Variants in PTN observed in about 807,000 individuals in gnomAD.
PTN encodes the protein heparin affin regulatory protein.
In PTN, 18 loss-of-function variants were observed where a neutral mutation model predicts 24.1. The ratio of observed to expected loss-of-function variants is 0.75; its 90% CI spans 0.52 to 1.11. The LOEUF (loss-of-function observed/expected upper bound fraction) is 1.11, where lower values mean the gene tolerates loss of function less well. PTN is among the 50% of genes least tolerant of loss of function. The pLI is 0.00. For synonymous variants in PTN, 78 were observed against 68.6 expected (o/e 1.14, Z -0.67); for missense variants, 163 against 198.8 (o/e 0.82, Z 1.08).
Position 137,324,433 on chromosome 7 carries a change from A to AAAAAAATAT in PTN, c.-2+19005_-2+19006insATATTTTTT. 6.7e-3 allele frequency among the ~76,000 whole-genome samples: 595 copies of AAAAAAATAT among 88,726 alleles called. 23 individuals are homozygous for AAAAAAATAT. Among genetic ancestry groups the AAAAAAATAT allele is most frequent in the Admixed American group, 0.052 (348 of 6,672 alleles). 58.2% of individuals were successfully genotyped at this position (88,726 alleles called of 152,430 possible). A position where few individuals can be genotyped will look rare whatever the true frequency, so the allele number is the denominator to read the frequency against. On this transcript the variant is annotated intron_variant, in intron 1 of 4. Coordinates refer to ENST00000348225, the MANE Select transcript of PTN (RefSeq NM_002825.7). ...CCCTGTCTCTAAAAAAAAAAAAAAA[A>AAAAAAATAT]ATATATATATATATATATAAATTAA...
chr7:137,338,159 A>G (rs1020812720), intron 1 of PTN, among the ~76,000 whole-genome samples: 2 of 151,938 alleles, frequency 1.3e-5, no homozygotes, highest in Admixed American at 6.6e-5. Flanking sequence ...TCAATTTCCG[A>G]CTCAAGATTT....
chr7:137,320,768 A>G (rs1810150617), intron 1 of PTN, among the ~76,000 whole-genome samples: 2 of 152,070 alleles, frequency 1.3e-5, no homozygotes, highest in African/African-American at 4.8e-5. Flanking sequence ...TGTCAATTGA[A>G]TTTTATTCCT....
chr7:137,330,240 C>T (rs1048062533), intron 1 of PTN, among the ~76,000 whole-genome samples: 4 of 151,828 alleles, frequency 2.6e-5, no homozygotes, highest in East Asian at 1.9e-4. Context: ...GAGCTGAAAT[C>T]GTGCCACTGC....
At chr7:137,278,945 C>T (rs374108467) in intron 1 of PTN, among the ~76,000 whole-genome samples, 4 of 134,284 alleles carry the variant, frequency 3.0e-5, no homozygotes, top group Non-Finnish European at 4.6e-5. Flanking sequence ...CATCTCAGAA[C>T]AATAATAATA....
At chr7:137,334,699 A>G (rs322324) in intron 1 of PTN, among the ~76,000 whole-genome samples, 50,706 of 144,156 alleles carry the variant, frequency 0.35, 10,410 homozygotes, top group Admixed American at 0.51. Context: ...CTGGGTATAT[A>G]CCCAAAGGAC....
chr7:137,307,852 ACT>A (rs1809914997), intron 1 of PTN, among the ~76,000 whole-genome samples: 1 of 151,940 alleles, frequency 6.6e-6, no homozygotes, highest in African/African-American at 2.4e-5. Context: ...GTACCCTTGT[ACT>A]CTGTTTCCAA....
At chr7:137,283,702 A>C (rs2128876355) in intron 1 of PTN, among the ~76,000 whole-genome samples, 1 of 152,280 alleles carries the variant, frequency 6.6e-6, no homozygotes, top group East Asian at 1.9e-4. Context: ...AATATTTGCT[A>C]CTAAAAAATA....
rs148286413 is a variant in PTN, at chr7:137,342,228, A to G, written c.-2+1211T>C. Among the ~76,000 whole-genome samples, 1,284 of 152,220 alleles carry G rather than the reference A, an allele frequency of 8.4e-3. 18 individuals carry two copies. The highest frequency in any genetic ancestry group is 0.029 in the African/African-American group (1,218 of 41,536). On this transcript the variant is annotated intron_variant, in intron 1 of 4. Transcript: ENST00000348225. The stretch of plus-strand genomic sequence containing the variant: ...GGATCATAAAATGTTTCATTATGTT[A>G]TTAGTCCAGAGCTCTTTTTGGTGAT...
intron 1 of PTN, among the ~76,000 whole-genome samples, chr7:137,331,847 C>T (rs534922467): frequency 1.3e-5 from 2 of 152,286 alleles, no homozygotes; most frequent in Non-Finnish European, 2.9e-5. Context: ...TCAGCTTGAC[C>T]TTTAACTGGC....
chr7:137,254,804 G>C, intron 2 of PTN, 55 bp downstream of exon 2: 1 of 1,217,258 alleles, frequency 8.2e-7, no homozygotes, highest in Non-Finnish European at 1.1e-6. Flanking sequence ...CAGGTAATTA[G>C]ACTAGATGGA....
chr7:137,239,407 TTTA>T (rs761934109), intron 4 of PTN, among the ~76,000 whole-genome samples: 8 of 143,170 alleles, frequency 5.6e-5, no homozygotes, highest in South Asian at 2.3e-4. Flanking sequence ...TATTTATTTA[TTTA>T]TTATTATACT....
At chr7:137,242,997 C>A (rs556551795) in intron 4 of PTN, among the ~76,000 whole-genome samples, 1 of 152,344 alleles carries the variant, frequency 6.6e-6, no homozygotes, top group East Asian at 1.9e-4. Context: ...AGTGCAGTGG[C>A]ACGATCTTGA....
At chr7:137,248,593 T>C (rs918873436) in intron 4 of PTN, among the ~76,000 whole-genome samples, 1 of 152,148 alleles carries the variant, frequency 6.6e-6, no homozygotes, top group African/African-American at 2.4e-5. Flanking sequence ...GGCAGGAGAA[T>C]CACTTGAACC....
chr7:137,276,476 A>G (rs1286794001), intron 1 of PTN, among the ~76,000 whole-genome samples: 1 of 152,182 alleles, frequency 6.6e-6, no homozygotes, highest in African/African-American at 2.4e-5. Flanking sequence ...ACCCCTGGAT[A>G]TAAAACCAGG....
intron 1 of PTN, among the ~76,000 whole-genome samples, chr7:137,260,278 T>G (rs1360531676): frequency 6.6e-6 from 1 of 152,126 alleles, no homozygotes; most frequent in Non-Finnish European, 1.5e-5. Context: ...CGTGAAATAG[T>G]AATTTTCTGA....
chr7:137,291,962 T>C (rs1174900746), intron 1 of PTN, among the ~76,000 whole-genome samples: 1 of 152,172 alleles, frequency 6.6e-6, no homozygotes, highest in Non-Finnish European at 1.5e-5. Flanking sequence ...TCCTTTGGCA[T>C]CCTCCTCTAA....
chr7:137,304,994 C>G (rs1809864146), intron 1 of PTN, among the ~76,000 whole-genome samples: 1 of 152,012 alleles, frequency 6.6e-6, no homozygotes, highest in Non-Finnish European at 1.5e-5. Context: ...CTGTATTTTA[C>G]CAAGCATGGC....
At chr7:137,229,618 T>A (rs1421040546) in intron 4 of PTN, among the ~76,000 whole-genome samples, 1 of 151,828 alleles carries the variant, frequency 6.6e-6, no homozygotes, top group Non-Finnish European at 1.5e-5. Flanking sequence ...TATATGCAAG[T>A]GGGTCAGCAG....
intron 1 of PTN, among the ~76,000 whole-genome samples, chr7:137,265,220 C>T (rs117005738): frequency 0.016 from 2,431 of 152,256 alleles, 36 homozygotes; most frequent in East Asian, 0.082. Flanking sequence ...ACTCCAACTG[C>T]GTCTAAATGG....
Sources: gnomAD v4.1 joint callset for allele counts (sites outside exome capture counted in the v4.1 genomes callset) on GRCh38, gnomAD v4.1.1 for gene constraint, MANE v1.5 for transcripts, NCBI Gene and HGNC (gene_info 2026-07-23, HGNC 2026-07-21) for gene names.